C2orf74: variants seen among roughly 807,000 people sequenced by gnomAD.
C2orf74 encodes the protein uncharacterized protein C2orf74.
In C2orf74, 14 loss-of-function variants were observed where a neutral mutation model predicts 17.9. That is an observed-to-expected ratio of 0.78 (90% CI 0.52 to 1.22). The LOEUF (loss-of-function observed/expected upper bound fraction) is 1.22. Among genes scored for constraint, C2orf74 ranks in the 50% most tolerant of loss-of-function variants. C2orf74 has a pLI of 0.00. For synonymous variants in C2orf74, 79 were observed against 72.6 expected, an observed-to-expected ratio of 1.09 and a Z score of -0.44; for missense variants, 217 against 218.4, an observed-to-expected ratio of 0.99 and a Z score of 0.04.
At position 61,164,512 on chromosome 2, in the gene C2orf74, TAA is replaced by T. The variant is rs761794777; in HGVS notation, c.551_552del (p.Lys184ArgfsTer10). 66 of 1,526,040 alleles carry T rather than the reference TAA, an allele frequency of 4.3e-5. No individual in the cohort carries two copies. The highest frequency in any genetic ancestry group is 5.5e-5 in the Non-Finnish European group (63 of 1,137,792). 94.5% of individuals were successfully genotyped at this position (1,526,040 alleles called of 1,614,324 possible). The part of the protein sequence containing the change: ...PTPRSYTREH[K>X]ERK Reference sequence around the variant, plus strand: ...CACCTCGAAGCTATACTCGAGAACATAAAGAGAGGAAATGAAGCTCAAAAAAG... The same window carrying T: ...CACCTCGAAGCTATACTCGAGAACATAGAGAGGAAATGAAGCTCAAAAAAG... On this transcript the variant is annotated frameshift_variant, in exon 5 of 5. Coordinates refer to ENST00000432605, the MANE Select transcript of C2orf74 (RefSeq NM_001143959.4). LOFTEE classifies it high-confidence loss of function.
At chr2:61,149,518 T>C (rs564593099) in intron 1 of C2orf74, among the ~76,000 whole-genome samples, 8 of 150,736 alleles carry the variant, frequency 5.3e-5, no homozygotes, top group African/African-American at 2.0e-4. Flanking sequence ...CAACTGAAAA[T>C]AGGGACGCTG....
At chr2:61,156,313 G>A (rs551390840) in intron 1 of C2orf74, among the ~76,000 whole-genome samples, 4 of 152,114 alleles carry the variant, frequency 2.6e-5, no homozygotes, top group East Asian at 1.9e-4. Flanking sequence ...TGAGGCAGGC[G>A]GATCACTTGA....
intron 2 of C2orf74, 69 bp downstream of exon 2, chr2:61,162,678 T>A: frequency 9.2e-7 from 1 of 1,085,596 alleles, no homozygotes; most frequent in Non-Finnish European, 1.4e-6. Flanking sequence ...AGAAATAATG[T>A]AAAACAATTT....
Position 61,162,872 on chromosome 2 carries a change from G to C in C2orf74, c.126G>C (p.Lys42Asn), listed in dbSNP as rs1383195502. The C allele has an allele frequency of 6.4e-7, 1 of 1,552,434 alleles. No homozygotes were observed. Among genetic ancestry groups the C allele is most frequent in the African/African-American group, 1.4e-5 (1 of 73,180 alleles). The change falls in exon 3 of 5, where the codon AAG (lysine) becomes AAC (asparagine). Residue 42 changes from lysine (K) to asparagine (N), a missense_variant. Coordinates refer to ENST00000432605, the MANE Select transcript of C2orf74 (RefSeq NM_001143959.4). ...CFQGRKGKETKKVPCTDANGG... is the reference protein window; with the variant it reads ...CFQGRKGKETNKVPCTDANGG... ...AAGGCAGGAAAGGTAAAGAGACAAA[G>C]AAAGTGCCTTGTACAGATGCAAACG...
upstream of C2orf74, among the ~76,000 whole-genome samples, chr2:61,158,214 G>A (rs116844933): frequency 9.0e-4 from 137 of 152,280 alleles, 1 homozygote; most frequent in East Asian, 0.026. Flanking sequence ...ATACCCATGA[G>A]AGTTACTATC....
intron 1 of C2orf74, among the ~76,000 whole-genome samples, chr2:61,157,165 C>T (rs945888728): frequency 2.6e-5 from 4 of 152,138 alleles, no homozygotes; most frequent in Non-Finnish European, 5.9e-5. Flanking sequence ...CTCAGCCTCC[C>T]GAGTAGCTAG....
chr2:61,163,112 A>G lies in C2orf74; in HGVS notation c.270A>G (p.Arg90=). The change falls in exon 4 of 5, where the codon AGA becomes AGG. Residue 90 remains arginine (R), a synonymous_variant. Coordinates refer to ENST00000432605, the MANE Select transcript of C2orf74 (RefSeq NM_001143959.4). ...VPMRPGILVQ[R]QSKEVLATPL... ...TGAGGCCTGGCATTCTTGTCCAGAG[A>G]CAGAGTAAGGAAGTGTTGGCCACAC... The G allele has an allele frequency of 6.4e-7, 1 of 1,552,216 alleles. No individual in the cohort carries two copies. Among genetic ancestry groups the G allele is most frequent in the Non-Finnish European group, 8.7e-7 (1 of 1,147,090 alleles).
Position 61,162,260 on chromosome 2 carries a change from G to T in C2orf74, c.-160G>T. On this transcript the variant is annotated 5_prime_UTR_variant, in exon 1 of 5. Transcript: ENST00000432605. ...GAGCTGCGTGATCACACATGTCCCA[G>T]CTCAGTCTCCCCTCTGGCCACCTCA... 1.2e-5 allele frequency: 6 copies of T among 517,922 alleles called. No homozygotes were observed. Among genetic ancestry groups the T allele is most frequent in the Non-Finnish European group, 3.4e-6 (1 of 295,476 alleles). The allele number at this position is 517,922 out of a possible 1,614,324, so 32.1% of individuals were successfully genotyped here.
At chr2:61,159,920 T>C (rs1039808940), upstream of C2orf74, among the ~76,000 whole-genome samples, 3 of 152,244 alleles carry the variant, frequency 2.0e-5, no homozygotes, top group Non-Finnish European at 4.4e-5. Context: ...ACTGTCTGCC[T>C]CCAGAACTTT....
At chr2:61,152,596 C>G (rs1313452261) in intron 1 of C2orf74, among the ~76,000 whole-genome samples, 1 of 151,488 alleles carries the variant, frequency 6.6e-6, no homozygotes, top group African/African-American at 2.4e-5. Flanking sequence ...CGCCTGTAAT[C>G]CCAGCACTTT....
At chr2:61,158,980 G>GTTGTTTGT (rs147042505), upstream of C2orf74, among the ~76,000 whole-genome samples, 62 of 150,248 alleles carry the variant, frequency 4.1e-4, no homozygotes, top group East Asian at 1.6e-3. Flanking sequence ...GTTTTTTTTT[G>GTTGTTTGT]TTGTTTGTTT....
intron 1 of C2orf74, chr2:61,152,006 C>G (rs1355817700): frequency 6.6e-6 from 1 of 152,324 alleles, no homozygotes; most frequent in African/African-American, 2.4e-5. Context: ...GAAGCTTCTC[C>G]CTTTTGTGGA....
At chr2:61,164,272 G>A in intron 4 of C2orf74, 82 bp from the exon 5 acceptor site, 1 of 1,144,448 alleles carries the variant, frequency 8.7e-7, no homozygotes, top group African/African-American at 1.6e-5. Flanking sequence ...CTCGTTAAGT[G>A]TACATATAAC....
chr2:61,148,232 G>A (rs1685128053), intron 1 of C2orf74, among the ~76,000 whole-genome samples: 1 of 150,760 alleles, frequency 6.6e-6, no homozygotes. Context: ...TGTTGCCCAA[G>A]CTGGAGTGCA....
chr2:61,155,016 G>A (rs2103624594), intron 1 of C2orf74, among the ~76,000 whole-genome samples: 1 of 152,148 alleles, frequency 6.6e-6, no homozygotes, highest in East Asian at 1.9e-4. Context: ...AGTGAGCTGA[G>A]ATCACACCAC....
At chr2:61,162,172 C>T (rs988366883), upstream of C2orf74, 2 of 260,436 alleles carry the variant, frequency 7.7e-6, no homozygotes, top group East Asian at 1.6e-4. Flanking sequence ...GAGCTGGGCT[C>T]AGCTCCAGCT....
At position 61,163,185 on chromosome 2, in the gene C2orf74, A is replaced by C; in HGVS notation, c.343A>C (p.Asn115His). 1 of 1,552,406 alleles carries C rather than the reference A, an allele frequency of 6.4e-7. No individual in the cohort carries two copies. The highest frequency in any genetic ancestry group is 8.7e-7 in the Non-Finnish European group (1 of 1,147,122). ...DMEAEEENQI[N>H]EKQEPENAGE... The stretch of plus-strand genomic sequence containing the variant: ...GGAGGCAGAAGAGGAGAACCAAATA[A>C]ATGAGAAGCAAGAGCCTGAGAATGC... Residue 115 changes from asparagine to histidine, a missense_variant, in exon 4 of 5, where the codon AAT becomes CAT. Coordinates refer to ENST00000432605, the MANE Select transcript of C2orf74 (RefSeq NM_001143959.4).
chr2:61,148,207 A>G (rs894785418), intron 1 of C2orf74, among the ~76,000 whole-genome samples: 3 of 149,388 alleles, frequency 2.0e-5, no homozygotes, highest in Admixed American at 6.7e-5. Flanking sequence ...TATTTTTTAG[A>G]TGGAGTTTCG....
chr2:61,163,792 T>C (rs1685647088), intron 4 of C2orf74, among the ~76,000 whole-genome samples: 1 of 152,064 alleles, frequency 6.6e-6, no homozygotes, highest in African/African-American at 2.4e-5. Context: ...CTTACATTTA[T>C]GTTTTTCTTA....
Sources: gnomAD v4.1 joint callset for allele counts (sites outside exome capture counted in the v4.1 genomes callset) on GRCh38, gnomAD v4.1.1 for gene constraint, MANE v1.5 for transcripts, NCBI Gene and HGNC (gene_info 2026-07-23, HGNC 2026-07-21) for gene names.